The following PRIM2 variants were observed in gnomAD, a reference collection of about 807,000 sequenced individuals.
PRIM2 encodes DNA primase subunit 2, also known as DNA primase large subunit.
In PRIM2, 39 loss-of-function variants were observed where a neutral mutation model predicts 67.3. The observed-to-expected ratio is 0.58, with a 90% CI of 0.45 to 0.76. The LOEUF (loss-of-function observed/expected upper bound fraction) is 0.76. PRIM2 is among the 30% of genes least tolerant of loss of function. The probability of loss-of-function intolerance (pLI) is 0.00; values close to 1 mark genes in which losing one functional copy is unlikely to be tolerated. For missense variants in PRIM2, 398 were observed against 598.7 expected, an observed-to-expected ratio of 0.66 and a Z score of 3.50; for synonymous variants, 143 against 198.7, an observed-to-expected ratio of 0.72 and a Z score of 2.36.
At chr6:57,553,720 C>A (rs1388608034) in intron 10 of PRIM2, among the ~76,000 whole-genome samples, 1 of 152,102 alleles carries the variant, frequency 6.6e-6, no homozygotes, top group Non-Finnish European at 1.5e-5. Flanking sequence ...AGTTATATTG[C>A]GACTGCAGAA....
At chr6:57,469,515 A>G (rs1773286934) in intron 7 of PRIM2, among the ~76,000 whole-genome samples, 1 of 152,352 alleles carries the variant, frequency 6.6e-6, no homozygotes, top group South Asian at 2.1e-4. Context: ...TACGATGTGA[A>G]TTCTCTAATC....
intron 5 of PRIM2, among the ~76,000 whole-genome samples, chr6:57,360,900 GAAC>G (rs1244189539): frequency 6.6e-6 from 1 of 152,112 alleles, no homozygotes; most frequent in East Asian, 1.9e-4. Context: ...TCTTTACAGA[GAAC>G]AATAAGATGG....
chr6:57,421,339 A>G (rs1225727576), intron 7 of PRIM2, among the ~76,000 whole-genome samples: 1 of 152,192 alleles, frequency 6.6e-6, no homozygotes. Context: ...CACAACCCCT[A>G]TCTTTTTCCT....
the PRIM2 span, among the ~76,000 whole-genome samples, chr6:57,270,481 T>A: frequency 6.6e-6 from 1 of 152,212 alleles, no homozygotes; most frequent in African/African-American, 2.4e-5. Flanking sequence ...TGATTTTGTA[T>A]CCTGAGACTT....
chr6:57,397,933 G>T (rs1188861308), intron 7 of PRIM2, among the ~76,000 whole-genome samples: 1 of 110,064 alleles, frequency 9.1e-6, no homozygotes, highest in Non-Finnish European at 1.8e-5. Context: ...GTCTTGCTCT[G>T]TTGCCAGGCT....
intron 10 of PRIM2, among the ~76,000 whole-genome samples, chr6:57,564,841 A>G (rs1434164829): frequency 6.6e-6 from 1 of 152,196 alleles, no homozygotes; most frequent in Non-Finnish European, 1.5e-5. Flanking sequence ...TAGTAAATAA[A>G]TTTTGCTTTA....
intron 7 of PRIM2, among the ~76,000 whole-genome samples, chr6:57,463,387 G>A: frequency 6.6e-6 from 1 of 152,306 alleles, no homozygotes; most frequent in Non-Finnish European, 1.5e-5. Flanking sequence ...AGCTACTCAG[G>A]TGGCTGAGCT....
intron 5 of PRIM2, among the ~76,000 whole-genome samples, chr6:57,328,425 C>T (rs975276584): frequency 3.3e-4 from 51 of 152,318 alleles, no homozygotes; most frequent in African/African-American, 1.2e-3. Flanking sequence ...CTGAACATTT[C>T]ATATAAATGG....
At chr6:57,611,839 C>T (rs1448724462) in intron 12 of PRIM2, among the ~76,000 whole-genome samples, 6 of 151,818 alleles carry the variant, frequency 4.0e-5, no homozygotes, top group African/African-American at 1.5e-4. Flanking sequence ...AAAATATTTG[C>T]AAATCATAAA....
At chr6:57,225,941 T>C in the PRIM2 span, among the ~76,000 whole-genome samples, 1 of 152,234 alleles carries the variant, frequency 6.6e-6, no homozygotes, top group African/African-American at 2.4e-5. Context: ...TCTAGTACTT[T>C]CTAGGCAGAC....
chr6:57,509,197 G>A (rs1774309643), intron 8 of PRIM2, among the ~76,000 whole-genome samples: 1 of 150,536 alleles, frequency 6.6e-6, no homozygotes. Context: ...GTTTTGTTGG[G>A]TTACGAAGAA....
intron 7 of PRIM2, chr6:57,382,869 G>C (rs1770011592): frequency 6.6e-6 from 1 of 152,118 alleles, no homozygotes; most frequent in Non-Finnish European, 1.5e-5. Flanking sequence ...ACTGATTATA[G>C]TGTAAGCATA....
At chr6:57,282,997 C>T in the PRIM2 span, among the ~76,000 whole-genome samples, 1 of 151,824 alleles carries the variant, frequency 6.6e-6, no homozygotes, top group Non-Finnish European at 1.5e-5. Flanking sequence ...CTAGTACTCT[C>T]ACTCTTCTCA....
intron 10 of PRIM2, among the ~76,000 whole-genome samples, chr6:57,539,188 AATTT>A (rs1478009772): frequency 2.6e-5 from 4 of 152,114 alleles, no homozygotes; most frequent in African/African-American, 7.2e-5. Flanking sequence ...TTTTAAAGGT[AATTT>A]ATTCTAATTA....
intron 5 of PRIM2, among the ~76,000 whole-genome samples, chr6:57,348,152 C>G (rs373460973): frequency 6.6e-6 from 1 of 152,072 alleles, no homozygotes; most frequent in Admixed American, 6.5e-5. Flanking sequence ...TATATTCATC[C>G]AACTTAGTCG....
intron 13 of PRIM2, among the ~76,000 whole-genome samples, chr6:57,633,763 C>T (rs1317183094): frequency 2.6e-5 from 4 of 151,982 alleles, no homozygotes; most frequent in African/African-American, 9.7e-5. Flanking sequence ...TTCACACCCG[C>T]ATGAGAATCT....
chr6:57,251,082 G>A, the PRIM2 span, among the ~76,000 whole-genome samples: 1 of 152,060 alleles, frequency 6.6e-6, no homozygotes, highest in Admixed American at 6.6e-5. Context: ...TCCCAGCCAT[G>A]TCTTCTTTTC....
At chr6:57,256,320 CTACAGGGCTATAT>C in the PRIM2 span, among the ~76,000 whole-genome samples, 1 of 152,098 alleles carries the variant, frequency 6.6e-6, no homozygotes, top group African/African-American at 2.4e-5. Context: ...CACCATCACC[CTACAGGGCTATAT>C]TATGTATTAT....
chr6:57,365,403 T>A (rs895586671), intron 5 of PRIM2, among the ~76,000 whole-genome samples: 1 of 151,502 alleles, frequency 6.6e-6, no homozygotes, highest in Non-Finnish European at 1.5e-5. Context: ...TAACTGTTCT[T>A]TAATTATTAG....
Sources: gnomAD v4.1 joint callset for allele counts (sites outside exome capture counted in the v4.1 genomes callset) on GRCh38, gnomAD v4.1.1 for gene constraint, MANE v1.5 for transcripts, NCBI Gene and HGNC (gene_info 2026-07-23, HGNC 2026-07-21) for gene names.